MTX2: variants seen among roughly 807,000 people sequenced by gnomAD.
The protein encoded by MTX2 is metaxin 2.
In MTX2, 35 loss-of-function variants were observed where a neutral mutation model predicts 42.3. That is an observed-to-expected ratio of 0.83 (90% CI 0.63 to 1.10). The LOEUF is 1.10. MTX2 is among the 50% of genes least tolerant of loss of function. The pLI is 0.00. For synonymous variants in MTX2, 119 were observed against 100.9 expected, an observed-to-expected ratio of 1.18 and a Z score of -1.08; for missense variants, 307 against 304.1, an observed-to-expected ratio of 1.01 and a Z score of -0.07.
intron 4 of MTX2, among the ~76,000 whole-genome samples, chr2:176,325,724 G>A (rs1333627326): frequency 2.0e-5 from 3 of 151,638 alleles, no homozygotes; most frequent in Non-Finnish European, 4.4e-5. Context: ...ATTTTATCCC[G>A]AGTTAAGAAA....
chr2:176,305,417 T>C (rs2105421446), intron 3 of MTX2, among the ~76,000 whole-genome samples: 1 of 152,242 alleles, frequency 6.6e-6, no homozygotes, highest in East Asian at 1.9e-4. Flanking sequence ...ATGTAACTGC[T>C]GTTGTGTTAG....
chr2:176,327,826 T>G (rs1375578506), intron 5 of MTX2, among the ~76,000 whole-genome samples: 3 of 151,036 alleles, frequency 2.0e-5, no homozygotes, highest in African/African-American at 7.3e-5. Flanking sequence ...ATTGCCAGAT[T>G]GAACTAAAGG....
chr2:176,325,995 G>A (rs1013249473), intron 4 of MTX2, among the ~76,000 whole-genome samples: 1 of 151,304 alleles, frequency 6.6e-6, no homozygotes, highest in African/African-American at 2.4e-5. Flanking sequence ...TATTGAAAAG[G>A]AACAGGAAGA....
intron 3 of MTX2, among the ~76,000 whole-genome samples, chr2:176,313,233 G>A (rs11901146): frequency 4.9e-4 from 74 of 151,762 alleles, no homozygotes; most frequent in African/African-American, 1.7e-3. Flanking sequence ...TTTACATATA[G>A]AACTTCAGTT....
At chr2:176,286,115 A>G (rs556503894) in intron 1 of MTX2, among the ~76,000 whole-genome samples, 1 of 152,258 alleles carries the variant, frequency 6.6e-6, no homozygotes, top group African/African-American at 2.4e-5. Context: ...CCTAATGACT[A>G]ATGATGCTGA....
chr2:176,299,718 T>C (rs563947369), intron 3 of MTX2, among the ~76,000 whole-genome samples: 1 of 152,226 alleles, frequency 6.6e-6, no homozygotes, highest in African/African-American at 2.4e-5. Flanking sequence ...TTCTATATAG[T>C]GGGCCAGCAT....
intron 1 of MTX2, among the ~76,000 whole-genome samples, chr2:176,271,604 C>G (rs1442005225): frequency 6.6e-6 from 1 of 151,986 alleles, no homozygotes; most frequent in Non-Finnish European, 1.5e-5. Context: ...ATCAGATGGA[C>G]AAAAGTGAAT....
intron 4 of MTX2, among the ~76,000 whole-genome samples, chr2:176,324,694 A>C (rs551452647): frequency 6.6e-6 from 1 of 151,794 alleles, no homozygotes; most frequent in African/African-American, 2.4e-5. Flanking sequence ...CTGTTTCCTA[A>C]AATTACTATA....
intron 8 of MTX2, 23 bp downstream of exon 8, chr2:176,329,449 A>G: frequency 6.3e-7 from 1 of 1,590,902 alleles, no homozygotes; most frequent in Non-Finnish European, 8.6e-7. Flanking sequence ...TGAAGTTGAC[A>G]AAACCCTCAA....
Position 176,311,897 on chromosome 2 carries a change from A to G in MTX2, c.136-11495A>G, listed in dbSNP as rs528585093. Reference sequence around the variant, plus strand: ...CCCACCCTGCTTTTCCTAGCCCTCCATGGGCTGCACCCACTGCCCATCCAG... The same window carrying G: ...CCCACCCTGCTTTTCCTAGCCCTCCGTGGGCTGCACCCACTGCCCATCCAG... On this transcript the variant is annotated intron_variant, in intron 3 of 9. Transcript: ENST00000249442. 9.9e-5 allele frequency among the ~76,000 whole-genome samples: 15 copies of G among 152,148 alleles called. No homozygotes were observed. In the East Asian group the frequency reaches 1.7e-3, roughly 18 times the overall value.
In MTX2 at chr2:176,269,563, G is replaced by C. The variant is rs2305162; in HGVS notation, c.-67G>C. 2.7e-3 allele frequency: 4,075 copies of C among 1,511,728 alleles called. 64 individuals are homozygous for C. In the East Asian group the frequency reaches 0.041, roughly 15 times the overall value. The allele number at this position is 1,511,728 out of a possible 1,614,324, so 93.6% of individuals were successfully genotyped here. On this transcript the variant is annotated 5_prime_UTR_variant, in exon 1 of 10. Coordinates refer to ENST00000249442, the MANE Select transcript of MTX2 (RefSeq NM_006554.5). The stretch of plus-strand genomic sequence containing the variant: ...GCTCGTTAACTGCCGAGAGCCTCCG[G>C]GTTTGCGGTGGAGGACGCTGAGGCC...
At chr2:176,293,020 A>G (rs1283393963) in intron 1 of MTX2, among the ~76,000 whole-genome samples, 1 of 152,194 alleles carries the variant, frequency 6.6e-6, no homozygotes, top group Admixed American at 6.5e-5. Context: ...TTCATTATTT[A>G]CTTGATGTTT....
Position 176,328,272 on chromosome 2 carries a change from AT to A in MTX2, c.286-14del. ...TATATTTAATATGATGTTCTTTTAA[AT>A]TTTTTTAAATTCCCTTTAGGGCCAT... On this transcript the variant is annotated intron_variant, in intron 5 of 9. Coordinates refer to ENST00000249442, the MANE Select transcript of MTX2 (RefSeq NM_006554.5). 1.3e-6 allele frequency: 2 copies of A among 1,484,298 alleles called. No homozygotes were observed. The highest frequency in any genetic ancestry group is 1.8e-6 in the Non-Finnish European group (2 of 1,107,914). The allele number at this position is 1,484,298 out of a possible 1,614,324, so 91.9% of individuals were successfully genotyped here.
intron 3 of MTX2, among the ~76,000 whole-genome samples, chr2:176,311,151 A>G (rs1476047969): frequency 6.6e-6 from 1 of 152,184 alleles, no homozygotes; most frequent in African/African-American, 2.4e-5. Flanking sequence ...TCTAACAGCC[A>G]GGTCCCTCAG....
rs781716866 is a variant in MTX2 at position 176,330,624 on chromosome 2, A to T, written c.584A>T (p.Gln195Leu). 3 of 1,595,726 alleles carry T rather than the reference A, an allele frequency of 1.9e-6. No individual in the cohort carries two copies. The highest frequency in any genetic ancestry group is 2.6e-6 in the Non-Finnish European group (3 of 1,167,842). Residue 195 changes from glutamine to leucine, a missense_variant, in exon 9 of 10, where the codon CAA becomes CTA. Physicochemically the swap from Gln to Leu is moderately radical, Grantham distance 113. Coordinates refer to ENST00000249442, the MANE Select transcript of MTX2 (RefSeq NM_006554.5). ...GACCAGTGCTGTCAAGCTCTCTCTC[A>T]AAGACTGGGAACACAACCGTATTTC... ...DVDQCCQALS[Q>L]RLGTQPYFFN...
chr2:176,323,343 A>T (rs1213765711), intron 3 of MTX2, 49 bp from the exon 4 acceptor site: 1 of 1,459,550 alleles, frequency 6.9e-7, no homozygotes, highest in African/African-American at 1.4e-5. Flanking sequence ...TTCTGTTCAA[A>T]TATGCATATG....
At chr2:176,334,221 G>A (rs1684934863) in intron 9 of MTX2, among the ~76,000 whole-genome samples, 1 of 151,706 alleles carries the variant, frequency 6.6e-6, no homozygotes, top group South Asian at 2.1e-4. Flanking sequence ...CTCTTTCAGA[G>A]CCTTCATTTA....
At chr2:176,310,778 T>C (rs770921175) in intron 3 of MTX2, among the ~76,000 whole-genome samples, 2 of 152,234 alleles carry the variant, frequency 1.3e-5, no homozygotes, top group Non-Finnish European at 1.5e-5. Flanking sequence ...CTACACTGTT[T>C]ATTCTAGTTA....
intron 3 of MTX2, among the ~76,000 whole-genome samples, chr2:176,319,318 T>G (rs189202454): frequency 6.6e-6 from 1 of 152,280 alleles, no homozygotes; most frequent in Non-Finnish European, 1.5e-5. Context: ...AAGGTGACAG[T>G]GAGCCTCTCC....
Sources: allele counts gnomAD v4.1 joint callset (sites outside exome capture counted in the v4.1 genomes callset), GRCh38; gene constraint gnomAD v4.1.1; transcripts MANE v1.5; gene names NCBI Gene and HGNC (gene_info 2026-07-23, HGNC 2026-07-21).